The following ACOT12 variants were observed in gnomAD, a reference collection of about 807,000 sequenced individuals.
ACOT12 encodes the protein acetyl-coenzyme A thioesterase.
A neutral mutation model predicts 67.7 loss-of-function variants in ACOT12; 51 were observed. The ratio of observed to expected loss-of-function variants is 0.75; its 90% CI spans 0.60 to 0.95. The LOEUF is 0.95. Ranked by LOEUF, ACOT12 falls within the 40% of genes least tolerant of loss-of-function variation. The pLI is 0.00. For synonymous variants in ACOT12, 251 were observed against 244.6 expected, an observed-to-expected ratio of 1.03 and a Z score of -0.24; for missense variants, 734 against 708.1, an observed-to-expected ratio of 1.04 and a Z score of -0.41.
the ACOT12 span, among the ~76,000 whole-genome samples, chr5:81,324,956 G>A: frequency 3.0e-4 from 46 of 152,296 alleles, no homozygotes; most frequent in African/African-American, 1.1e-3. Flanking sequence ...TAGACATGGG[G>A]CAGGATTTAG....
chr5:81,348,185 T>C (rs1044367223), intron 5 of ACOT12, among the ~76,000 whole-genome samples: 2 of 152,144 alleles, frequency 1.3e-5, no homozygotes, highest in Non-Finnish European at 2.9e-5. Context: ...AATAAGTCTA[T>C]TGGAATTTTG....
At chr5:81,358,040 GAAA>G (rs1302640583) in intron 5 of ACOT12, among the ~76,000 whole-genome samples, 2 of 138,044 alleles carry the variant, frequency 1.4e-5, no homozygotes, top group African/African-American at 5.4e-5. Flanking sequence ...AGAAGAAGAA[GAAA>G]AACAACTGTA....
chr5:81,328,007 T>C (rs1296775005), downstream of ACOT12, among the ~76,000 whole-genome samples: 1 of 152,150 alleles, frequency 6.6e-6, no homozygotes, highest in Non-Finnish European at 1.5e-5. Flanking sequence ...GGGAAGATGG[T>C]CTTTAATTCA....
At chr5:81,319,994 A>G in the ACOT12 span, among the ~76,000 whole-genome samples, 1 of 152,212 alleles carries the variant, frequency 6.6e-6, no homozygotes, top group Non-Finnish European at 1.5e-5. Flanking sequence ...TCTTGCAGTA[A>G]GAAATGATAG....
chr5:81,390,415 T>A lies in ACOT12; in HGVS notation c.127+3573A>T, dbSNP rs964091393. Among the ~76,000 whole-genome samples the A allele has an allele frequency of 1.3e-5, 2 of 151,624 alleles. 1 individual carries two copies. The highest frequency in any genetic ancestry group is 4.8e-5 in the African/African-American group (2 of 41,252). ...TTATTTTAGACACTGTATTTTTCAGTTCTGGAATTACCATTTGGCTTTTAA... is the reference window on the plus strand; with the variant it reads ...TTATTTTAGACACTGTATTTTTCAGATCTGGAATTACCATTTGGCTTTTAA... On this transcript the variant is annotated intron_variant, in intron 1 of 14. Transcript: ENST00000307624.
intron 2 of ACOT12, among the ~76,000 whole-genome samples, chr5:81,376,874 G>A (rs1352275957): frequency 2.0e-5 from 3 of 152,092 alleles, no homozygotes; most frequent in Non-Finnish European, 2.9e-5. Context: ...AAAAGTCCAG[G>A]CCCAGATGGA....
chr5:81,325,293 C>T (rs942654330), downstream of ACOT12, among the ~76,000 whole-genome samples: 1 of 152,178 alleles, frequency 6.6e-6, no homozygotes, highest in African/African-American at 2.4e-5. Flanking sequence ...GGGAAGAGGA[C>T]TCAGTGTGAA....
intron 3 of ACOT12, among the ~76,000 whole-genome samples, chr5:81,367,551 T>C (rs145245991): frequency 9.5e-4 from 145 of 152,154 alleles, no homozygotes; most frequent in African/African-American, 3.4e-3. Flanking sequence ...GAGAAAAACA[T>C]TAAAACCAAA....
intron 12 of ACOT12, among the ~76,000 whole-genome samples, chr5:81,333,789 G>A (rs920986421): frequency 7.9e-5 from 12 of 152,204 alleles, no homozygotes; most frequent in Admixed American, 1.3e-4. Flanking sequence ...GCAGGGAAAT[G>A]TTGGGTAGGG....
Position 81,330,458 on chromosome 5 carries a change from G to A in ACOT12, c.1604C>T (p.Thr535Ile). Residue 535 changes from threonine to isoleucine, a missense_variant, in exon 15 of 15, where the codon ACA (threonine) becomes ATA (isoleucine). Physicochemically the swap from Thr to Ile is moderately conservative, Grantham distance 89. Coordinates refer to ENST00000307624, the MANE Select transcript of ACOT12 (RefSeq NM_130767.3). ...LGGWSKSIEE[T>I]AASCIQFLEN... The stretch of plus-strand genomic sequence containing the variant: ...TAAGAACTGTATACAAGAGGCTGCT[G>A]TTTCTTCAATGGATTTTGACCAGCC... The A allele has an allele frequency of 6.2e-7, 1 of 1,614,122 alleles. No homozygotes were observed. Among genetic ancestry groups the A allele is most frequent in the Non-Finnish European group, 8.5e-7 (1 of 1,179,992 alleles).
At chr5:81,389,674 G>C (rs1760814137) in intron 1 of ACOT12, among the ~76,000 whole-genome samples, 1 of 151,322 alleles carries the variant, frequency 6.6e-6, no homozygotes, top group Non-Finnish European at 1.5e-5. Context: ...ATACAGGCGT[G>C]CGCCACCATG....
chr5:81,353,997 G>A (rs1759633927), intron 5 of ACOT12, among the ~76,000 whole-genome samples: 2 of 152,280 alleles, frequency 1.3e-5, no homozygotes, highest in Admixed American at 6.5e-5. Flanking sequence ...ACTACACAGC[G>A]GCTTTAAATG....
chr5:81,350,888 C>A (rs980072368), intron 5 of ACOT12, among the ~76,000 whole-genome samples: 1 of 152,174 alleles, frequency 6.6e-6, no homozygotes, highest in Non-Finnish European at 1.5e-5. Flanking sequence ...CCTGATCCAA[C>A]CTTCTCCCTC....
At chr5:81,326,123 T>TC, downstream of ACOT12, among the ~76,000 whole-genome samples, 1 of 140,804 alleles carries the variant, frequency 7.1e-6, no homozygotes, top group East Asian at 2.0e-4. Flanking sequence ...GATTCTTTTT[T>TC]TTTTTTTTTT....
intron 13 of ACOT12, among the ~76,000 whole-genome samples, chr5:81,331,623 A>C (rs995678683): frequency 1.3e-5 from 2 of 152,214 alleles, no homozygotes; most frequent in Non-Finnish European, 2.9e-5. Context: ...ATCTTCCTCC[A>C]GTCCAATTGC....
At chr5:81,384,590 A>T (rs1280766621) in intron 2 of ACOT12, among the ~76,000 whole-genome samples, 2 of 152,144 alleles carry the variant, frequency 1.3e-5, no homozygotes, top group Non-Finnish European at 2.9e-5. Context: ...CCTAGGAGCA[A>T]TAGGCTATAC....
intron 2 of ACOT12, among the ~76,000 whole-genome samples, chr5:81,372,740 C>T (rs138984756): frequency 1.3e-5 from 2 of 152,118 alleles, no homozygotes; most frequent in South Asian, 2.1e-4. Flanking sequence ...CTAAAAACAT[C>T]GTTTATTTTT....
chr5:81,342,896 TA>T, intron 10 of ACOT12, 141 bp from the exon 11 acceptor site: 1 of 874,362 alleles, frequency 1.1e-6, no homozygotes, highest in Non-Finnish European at 1.8e-6. Flanking sequence ...AGAACTAAAC[TA>T]CAGGCCAGGT....
In ACOT12 at chr5:81,342,770, T is replaced by C; in HGVS notation, c.1045-15A>G. The stretch of plus-strand genomic sequence containing the variant: ...CTCAGGGATGCCTAGAATAGAAATA[T>C]TATATTTTTAAAGCTATGTGTTCAA... On this transcript the variant is annotated splice_polypyrimidine_tract_variant and intron_variant, in intron 10 of 14. Coordinates refer to ENST00000307624, the MANE Select transcript of ACOT12 (RefSeq NM_130767.3). The C allele has an allele frequency of 6.2e-7, 1 of 1,612,356 alleles. No homozygotes were observed.
Sources: allele counts gnomAD v4.1 joint callset (sites outside exome capture counted in the v4.1 genomes callset), GRCh38; gene constraint gnomAD v4.1.1; transcripts MANE v1.5; gene names NCBI Gene and HGNC (gene_info 2026-07-23, HGNC 2026-07-21).